The following CRYZL1 variants were observed in gnomAD, a reference collection of about 807,000 sequenced individuals.
CRYZL1 encodes crystallin zeta like 1.
CRYZL1 carries 34 observed loss-of-function variants against 50.6 expected under a neutral mutation model. That is an observed-to-expected ratio of 0.67 (90% CI 0.51 to 0.89). The LOEUF is 0.89. Among genes scored for constraint, CRYZL1 ranks in the 40% least tolerant of loss-of-function variants. CRYZL1 has a pLI of 0.00. For synonymous variants in CRYZL1, 125 were observed against 134.3 expected (o/e 0.93, Z 0.48); for missense variants, 354 against 402.3 (o/e 0.88, Z 1.03).
At chr21:33,597,483 A>T in intron 9 of CRYZL1, 82 bp from the exon 10 acceptor site, 1 of 1,122,254 alleles carries the variant, frequency 8.9e-7, no homozygotes, top group African/African-American at 1.6e-5. Flanking sequence ...TTCTTCAAAC[A>T]AGTTCTTATT....
In CRYZL1 at chr21:33,624,675, A is replaced by G. The variant is rs767738473; in HGVS notation, c.144+8T>C. 1.9e-6 allele frequency: 3 copies of G among 1,607,146 alleles called. No homozygotes were observed. The highest frequency in any genetic ancestry group is 2.5e-6 in the Non-Finnish European group (3 of 1,178,000). ...TTTTACTTTGTGCCATAATAAAAGAACCAATACCTTTGTATTTATCTGGCT... is the reference window on the plus strand; with the variant it reads ...TTTTACTTTGTGCCATAATAAAAGAGCCAATACCTTTGTATTTATCTGGCT... On this transcript the variant is annotated splice_region_variant and intron_variant, in intron 3 of 12. Transcript: ENST00000381554.
intron 2 of CRYZL1, among the ~76,000 whole-genome samples, chr21:33,628,419 C>T (rs2145955758): frequency 6.6e-6 from 1 of 152,236 alleles, no homozygotes; most frequent in Admixed American, 6.5e-5. Context: ...GACATTTTAA[C>T]AATATTAATT....
At chr21:33,634,973 G>T (rs1601352580) in intron 1 of CRYZL1, among the ~76,000 whole-genome samples, 1 of 151,582 alleles carries the variant, frequency 6.6e-6, no homozygotes, top group Non-Finnish European at 1.5e-5. Flanking sequence ...AAATTGCCCT[G>T]GTTGGTGGAA....
At chr21:33,624,800 C>T in intron 2 of CRYZL1, 40 bp from the exon 3 acceptor site, 1 of 1,574,440 alleles carries the variant, frequency 6.4e-7, no homozygotes, top group Non-Finnish European at 8.6e-7. Context: ...TTATTTTACA[C>T]ATTCCTATGA....
intron 6 of CRYZL1, among the ~76,000 whole-genome samples, chr21:33,610,989 C>G (rs563431513): frequency 2.0e-4 from 30 of 152,088 alleles, no homozygotes; most frequent in Non-Finnish European, 3.8e-4. Context: ...TCTCGGCCTC[C>G]CAAAGTGCTG....
At chr21:33,632,657 C>A (rs2087155439) in intron 1 of CRYZL1, among the ~76,000 whole-genome samples, 1 of 152,176 alleles carries the variant, frequency 6.6e-6, no homozygotes, top group South Asian at 2.1e-4. Flanking sequence ...GGATTACAGG[C>A]ATGAGTCACC....
chr21:33,609,550 A>G (rs2086848231), intron 6 of CRYZL1, among the ~76,000 whole-genome samples: 1 of 151,518 alleles, frequency 6.6e-6, no homozygotes, highest in Non-Finnish European at 1.5e-5. Flanking sequence ...AGCTCAAGCA[A>G]TTGGCTCTGC....
At chr21:33,593,443 T>C (rs566604121) in intron 11 of CRYZL1, among the ~76,000 whole-genome samples, 2 of 152,260 alleles carry the variant, frequency 1.3e-5, no homozygotes, top group East Asian at 3.9e-4. Context: ...GAATATAAAT[T>C]TACTAATTCA....
chr21:33,611,533 G>C (rs2086873066), intron 6 of CRYZL1, among the ~76,000 whole-genome samples: 1 of 152,192 alleles, frequency 6.6e-6, no homozygotes, highest in Non-Finnish European at 1.5e-5. Context: ...ACTTAACTGA[G>C]TAAGATTACT....
intron 10 of CRYZL1, among the ~76,000 whole-genome samples, chr21:33,597,019 G>T (rs926263301): frequency 6.6e-6 from 1 of 151,958 alleles, no homozygotes; most frequent in Non-Finnish European, 1.5e-5. Flanking sequence ...ATAAGCCTGT[G>T]CCACCATGCC....
chr21:33,641,487 C>T (rs1467251382), intron 1 of CRYZL1, among the ~76,000 whole-genome samples, 194 bp downstream of exon 1: 2 of 152,188 alleles, frequency 1.3e-5, no homozygotes, highest in African/African-American at 2.4e-5. Flanking sequence ...GTCCAGGAAA[C>T]TGTCCCTCAA....
chr21:33,612,722 TG>T (rs2086886264), intron 6 of CRYZL1, among the ~76,000 whole-genome samples: 1 of 152,242 alleles, frequency 6.6e-6, no homozygotes, highest in Non-Finnish European at 1.5e-5. Flanking sequence ...TGTGTGTGTG[TG>T]TACATGTACT....
At chr21:33,620,640 G>A (rs1344952177) in intron 4 of CRYZL1, among the ~76,000 whole-genome samples, 11 of 151,614 alleles carry the variant, frequency 7.3e-5, no homozygotes, top group Admixed American at 3.9e-4. Context: ...GTGAAACCCC[G>A]TCTCTACCAA....
intron 2 of CRYZL1, among the ~76,000 whole-genome samples, chr21:33,626,880 C>A (rs947536627): frequency 6.6e-6 from 1 of 152,060 alleles, no homozygotes; most frequent in African/African-American, 2.4e-5. Context: ...AAAAGCTAGC[C>A]AAGAATAGCC....
chr21:33,598,219 A>C (rs1436539136), intron 9 of CRYZL1, among the ~76,000 whole-genome samples: 1 of 152,238 alleles, frequency 6.6e-6, no homozygotes, highest in Non-Finnish European at 1.5e-5. Flanking sequence ...AGATAGTCTT[A>C]ACATAATTAC....
chr21:33,601,665 C>A (rs2086757871), intron 8 of CRYZL1, among the ~76,000 whole-genome samples: 1 of 152,132 alleles, frequency 6.6e-6, no homozygotes, highest in Admixed American at 6.5e-5. Context: ...GCCTGTAATT[C>A]CAGCACTTTG....
chr21:33,618,748 T>C (rs2086963745), intron 4 of CRYZL1, among the ~76,000 whole-genome samples: 1 of 152,170 alleles, frequency 6.6e-6, no homozygotes, highest in Non-Finnish European at 1.5e-5. Flanking sequence ...TGGCTTCTGA[T>C]TCACTATACT....
chr21:33,619,764 C>T (rs1024853439), intron 4 of CRYZL1, among the ~76,000 whole-genome samples: 18 of 152,182 alleles, frequency 1.2e-4, no homozygotes, highest in African/African-American at 4.1e-4. Flanking sequence ...AGGACTTTAT[C>T]TTGCTCTAGC....
intron 6 of CRYZL1, among the ~76,000 whole-genome samples, chr21:33,610,975 C>T (rs2086867204): frequency 6.6e-6 from 1 of 152,088 alleles, no homozygotes; most frequent in African/African-American, 2.4e-5. Context: ...AGGCGATCCA[C>T]CCATCTCGGC....
Sources: gnomAD v4.1 joint callset for allele counts (sites outside exome capture counted in the v4.1 genomes callset) on GRCh38, gnomAD v4.1.1 for gene constraint, MANE v1.5 for transcripts, NCBI Gene and HGNC (gene_info 2026-07-23, HGNC 2026-07-21) for gene names.